The following CADM2 variants were observed in gnomAD, a reference collection of about 807,000 sequenced individuals.
CADM2 encodes the protein immunoglobulin superfamily member 4D.
In CADM2, 12 loss-of-function variants were observed where a neutral mutation model predicts 49.8. The observed-to-expected ratio is 0.24, with a 90% CI of 0.15 to 0.39. The LOEUF (loss-of-function observed/expected upper bound fraction) is 0.39, where lower values mean the gene tolerates loss of function less well. CADM2 is among the 10% of genes least tolerant of loss of function. CADM2 has a pLI of 1.00. For missense variants in CADM2, 378 were observed against 492.3 expected (o/e 0.77, Z 2.20); for synonymous variants, 214 against 175.4 (o/e 1.22, Z -1.74).
chr3:86,058,342 T>TC (rs1553731177), intron 8 of CADM2, among the ~76,000 whole-genome samples: 3 of 152,182 alleles, frequency 2.0e-5, no homozygotes, highest in Non-Finnish European at 4.4e-5. Flanking sequence ...CTTTTTTTTT[T>TC]CCTCATAAAA....
At chr3:85,979,510 A>T (rs1206846661) in intron 8 of CADM2, among the ~76,000 whole-genome samples, 1 of 151,692 alleles carries the variant, frequency 6.6e-6, no homozygotes, top group Non-Finnish European at 1.5e-5. Flanking sequence ...CTTGCAGAAT[A>T]TAGATTTAAA....
intron 1 of CADM2, among the ~76,000 whole-genome samples, chr3:85,229,595 T>C (rs1286891049): frequency 6.6e-6 from 1 of 152,186 alleles, no homozygotes; most frequent in African/African-American, 2.4e-5. Flanking sequence ...TGCTGGACCC[T>C]GACAAATGTT....
rs187913645 is a variant in CADM2, at chr3:85,263,732, A to G, written c.61+304064A>G. 8.0e-4 allele frequency among the ~76,000 whole-genome samples: 122 copies of G among 152,190 alleles called. 1 individual carries two copies. The Middle Eastern group carries it at 0.01, about 13-fold the overall frequency. On this transcript the variant is annotated intron_variant, in intron 1 of 9. Coordinates refer to ENST00000383699, the MANE Select transcript of CADM2 (RefSeq NM_001167675.2). ...CAATATCAACCTCTTCTAATTTGTA[A>G]TTATCACTGGTCTATTTTGCAAATT... is the stretch of plus-strand genomic sequence containing the variant.
intron 1 of CADM2, among the ~76,000 whole-genome samples, chr3:85,654,946 T>TG (rs1283360520): frequency 4.6e-5 from 7 of 152,170 alleles, no homozygotes; most frequent in African/African-American, 1.7e-4. Context: ...AACTTAGATA[T>TG]AATTAATTCC....
At chr3:85,259,364 T>C (rs575655965) in intron 1 of CADM2, among the ~76,000 whole-genome samples, 5 of 151,816 alleles carry the variant, frequency 3.3e-5, no homozygotes, top group South Asian at 2.1e-4. Flanking sequence ...GCTTTTTTTT[T>C]CCTAATCATT....
chr3:85,173,487 T>G (rs949205320), intron 1 of CADM2, among the ~76,000 whole-genome samples: 2 of 152,184 alleles, frequency 1.3e-5, no homozygotes, highest in African/African-American at 4.8e-5. Flanking sequence ...AGTTTTTTCT[T>G]GACTAAATAT....
chr3:85,128,327 A>G (rs2039107611), intron 1 of CADM2, among the ~76,000 whole-genome samples: 1 of 152,178 alleles, frequency 6.6e-6, no homozygotes, highest in Admixed American at 6.5e-5. Context: ...TCAATATAGG[A>G]GAAAAGTTTT....
intron 6 of CADM2, among the ~76,000 whole-genome samples, chr3:85,933,904 G>T (rs1016892191): frequency 6.6e-6 from 1 of 152,064 alleles, no homozygotes; most frequent in Non-Finnish European, 1.5e-5. Context: ...CAAGAGATTG[G>T]ATGAGGCCCT....
intron 3 of CADM2, among the ~76,000 whole-genome samples, chr3:85,844,321 G>A (rs1381711824): frequency 1.3e-5 from 2 of 151,864 alleles, no homozygotes; most frequent in Non-Finnish European, 2.9e-5. Flanking sequence ...TGAATTTTTT[G>A]TTATAATATT....
At chr3:85,707,418 A>G (rs1487122493) in intron 1 of CADM2, among the ~76,000 whole-genome samples, 4 of 141,068 alleles carry the variant, frequency 2.8e-5, no homozygotes, top group Non-Finnish European at 4.6e-5. Flanking sequence ...TTTGTAAAAT[A>G]GTCATTGGGA....
Position 85,573,183 on chromosome 3 carries a change from T to TTATG in CADM2, c.62-153336_62-153335insGTAT, listed in dbSNP as rs1276014170. ...TTTATTTATTTATTTATTTATTTAT[T>TTATG]TATTTATTTATTTATTTATTTATTT... On this transcript the variant is annotated intron_variant, in intron 1 of 9. Coordinates refer to ENST00000383699, the MANE Select transcript of CADM2 (RefSeq NM_001167675.2). 4.1e-5 allele frequency among the ~76,000 whole-genome samples: 4 copies of TTATG among 98,586 alleles called. No individual in the cohort carries two copies. In the East Asian group the frequency reaches 1.4e-3, roughly 34 times the overall value. 64.7% of individuals were successfully genotyped at this position (98,586 alleles called of 152,430 possible).
chr3:85,895,396 C>A (rs1316541531), intron 5 of CADM2, among the ~76,000 whole-genome samples: 4 of 152,214 alleles, frequency 2.6e-5, no homozygotes, highest in Non-Finnish European at 4.4e-5. Context: ...CCATTTGGAA[C>A]AGGTGTATTT....
At chr3:85,855,602 C>A (rs376937112) in intron 3 of CADM2, among the ~76,000 whole-genome samples, 16 of 129,362 alleles carry the variant, frequency 1.2e-4, no homozygotes, top group South Asian at 4.6e-4. Context: ...ATATATAAAA[C>A]ATATATATAT....
intron 8 of CADM2, among the ~76,000 whole-genome samples, chr3:86,033,746 TAAAG>T (rs1197419114): frequency 2.1e-5 from 3 of 146,048 alleles, no homozygotes; most frequent in Non-Finnish European, 4.5e-5. Context: ...CAGAAGCCCA[TAAAG>T]AAATATATAT....
intron 2 of CADM2, among the ~76,000 whole-genome samples, chr3:85,786,348 C>T (rs1222869373): frequency 6.6e-6 from 1 of 152,002 alleles, no homozygotes; most frequent in East Asian, 1.9e-4. Flanking sequence ...GAAATCTATA[C>T]AAAGTACCAA....
At chr3:85,166,550 T>C (rs960784714) in intron 1 of CADM2, among the ~76,000 whole-genome samples, 6 of 151,840 alleles carry the variant, frequency 4.0e-5, no homozygotes, top group Non-Finnish European at 8.9e-5. Context: ...ATAATATAGC[T>C]AAGGAAGAAC....
At chr3:85,328,010 G>A (rs1241882428) in intron 1 of CADM2, among the ~76,000 whole-genome samples, 1 of 152,072 alleles carries the variant, frequency 6.6e-6, no homozygotes, top group Non-Finnish European at 1.5e-5. Context: ...TGTGATTATT[G>A]TTTTCAGTCG....
At chr3:85,879,216 C>A in intron 3 of CADM2, among the ~76,000 whole-genome samples, 1 of 152,008 alleles carries the variant, frequency 6.6e-6, no homozygotes, top group African/African-American at 2.4e-5. Flanking sequence ...GCATCTATAT[C>A]ATGGCATGTA....
At chr3:85,920,165 A>G (rs1372333232) in intron 6 of CADM2, among the ~76,000 whole-genome samples, 1 of 151,890 alleles carries the variant, frequency 6.6e-6, no homozygotes. Flanking sequence ...AGCTTATCAG[A>G]TAGGAAGACG....
Sources: allele counts gnomAD v4.1 joint callset (sites outside exome capture counted in the v4.1 genomes callset), GRCh38; gene constraint gnomAD v4.1.1; transcripts MANE v1.5; gene names NCBI Gene and HGNC (gene_info 2026-07-23, HGNC 2026-07-21).